Variants in SPEN observed in about 807,000 individuals in gnomAD.
SPEN encodes the protein spen family transcriptional repressor.
In SPEN, 18 loss-of-function variants were observed where a neutral mutation model predicts 269.9. The observed-to-expected ratio is 0.07, with a 90% confidence interval of 0.05 to 0.10. The LOEUF is 0.10. Among genes scored for constraint, SPEN ranks in the 10% least tolerant of loss-of-function variants. The probability of loss-of-function intolerance (pLI) is 1.00; values close to 1 mark genes in which losing one functional copy is unlikely to be tolerated. For synonymous variants in SPEN, 1,726 were observed against 1,765.7 expected (o/e 0.98, Z 0.56); for missense variants, 3,822 against 4,631.2 (o/e 0.83, Z 5.07).
At position 15,909,319 on chromosome 1, in the gene SPEN, A is replaced by G. The variant is rs773043006; in HGVS notation, c.882-2A>G. The G allele has an allele frequency of 6.9e-6, 11 of 1,601,022 alleles. No homozygotes were observed. The highest frequency in any genetic ancestry group is 9.4e-6 in the Non-Finnish European group (11 of 1,175,870). On this transcript the variant is annotated splice_acceptor_variant, in intron 3 of 14. Transcript: ENST00000375759. LOFTEE classifies it high-confidence loss of function. The stretch of plus-strand genomic sequence containing the variant: ...AAGTTTGTTGTTGTTGCCTTTTTGC[A>G]GCAGTGATTCCAGCAGTAGTTCAAG...
At chr1:15,873,279 A>T (rs959965422) in intron 2 of SPEN, 143 bp downstream of exon 2, 1 of 1,400,042 alleles carries the variant, frequency 7.1e-7, no homozygotes, top group African/African-American at 1.4e-5. Flanking sequence ...GAAGTGATTT[A>T]TATCCCAATG....
chr1:15,914,319 T>C (rs2071036732), intron 5 of SPEN, among the ~76,000 whole-genome samples: 1 of 152,248 alleles, frequency 6.6e-6, no homozygotes, highest in Admixed American at 6.5e-5. Context: ...TAATGTTCAA[T>C]GGCTGGCTCT....
chr1:15,889,464 C>G (rs1202147208), intron 3 of SPEN, among the ~76,000 whole-genome samples: 1 of 152,030 alleles, frequency 6.6e-6, no homozygotes, highest in Non-Finnish European at 1.5e-5. Flanking sequence ...CCGTGCCTGG[C>G]CAACATTAGC....
In SPEN at chr1:15,932,283, A is replaced by G; in HGVS notation, c.6043A>G (p.Thr2015Ala). ...KVDATRPEAT[T>A]EVGPQIGVKE... ...GGATGCTACACGTCCTGAGGCCACC[A>G]CTGAGGTGGGCCCCCAAATAGGCGT... is the stretch of plus-strand genomic sequence containing the variant. Residue 2015 changes from threonine to alanine, a missense_variant, in exon 11 of 15, where the codon ACT becomes GCT. Around this residue, in one of 16 missense-constraint regions of SPEN, gnomAD observed 727 missense variants for 737.9 expected, o/e 0.99. Coordinates refer to ENST00000375759, the MANE Select transcript of SPEN (RefSeq NM_015001.3). This position sits in a 1 kb window ranked among gnomAD's most constrained non-coding sequence, Gnocchi z 4.2. 1 of 1,608,024 alleles carries G rather than the reference A, an allele frequency of 6.2e-7. No individual in the cohort carries two copies. Among genetic ancestry groups the G allele is most frequent in the Non-Finnish European group, 8.5e-7 (1 of 1,177,738 alleles).
At chr1:15,865,571 C>T (rs975668037) in intron 1 of SPEN, among the ~76,000 whole-genome samples, 5 of 150,750 alleles carry the variant, frequency 3.3e-5, no homozygotes, top group Non-Finnish European at 5.9e-5. Flanking sequence ...TACAGGCACG[C>T]ACCGCCACAT....
At chr1:15,915,042 T>G (rs920145065) in intron 5 of SPEN, among the ~76,000 whole-genome samples, 3 of 152,162 alleles carry the variant, frequency 2.0e-5, no homozygotes, top group African/African-American at 7.2e-5. Context: ...GTAAATGAAA[T>G]TAAACAATGA....
intron 2 of SPEN, 100 bp from the exon 3 acceptor site, chr1:15,876,102 T>A: frequency 1.1e-6 from 1 of 892,690 alleles, no homozygotes. Flanking sequence ...AATGACCAGT[T>A]GCAAAGACAA....
chr1:15,859,905 CTTT>C (rs34195453), intron 1 of SPEN, among the ~76,000 whole-genome samples: 12 of 79,620 alleles, frequency 1.5e-4, no homozygotes, highest in African/African-American at 5.3e-4. Context: ...CAGTTAACAT[CTTT>C]TTTTTTTTTT....
chr1:15,878,581 C>T (rs189499889), intron 3 of SPEN, among the ~76,000 whole-genome samples: 274 of 152,304 alleles, frequency 1.8e-3, no homozygotes, highest in African/African-American at 6.3e-3. Context: ...ACCCTATAAA[C>T]TAATTATAAA....
At chr1:15,870,902 G>A (rs1258166120) in intron 1 of SPEN, among the ~76,000 whole-genome samples, 1 of 152,118 alleles carries the variant, frequency 6.6e-6, no homozygotes, top group Non-Finnish European at 1.5e-5. Flanking sequence ...ACATACCAAC[G>A]AACTGAAAAT....
chr1:15,919,058 G>C lies in SPEN; in HGVS notation c.1521+7G>C, dbSNP rs778591795. 1.2e-6 allele frequency: 2 copies of C among 1,604,026 alleles called. No homozygotes were observed. Among genetic ancestry groups the C allele is most frequent in the South Asian group, 2.3e-5 (2 of 88,402 alleles). On this transcript the variant is annotated splice_region_variant and intron_variant, in intron 7 of 14. Coordinates refer to ENST00000375759, the MANE Select transcript of SPEN (RefSeq NM_015001.3). Reference sequence around the variant, plus strand: ...TGGAAATAATCGCCTCAAGGTAAATGAATTTGCATAAATTATTGTGCTGTT... The same window carrying C: ...TGGAAATAATCGCCTCAAGGTAAATCAATTTGCATAAATTATTGTGCTGTT...
chr1:15,863,655 A>T (rs1021192815), intron 1 of SPEN, among the ~76,000 whole-genome samples: 2 of 152,122 alleles, frequency 1.3e-5, no homozygotes, highest in African/African-American at 2.4e-5. Flanking sequence ...AGCCTAGGCA[A>T]CATGTTGAGA....
intron 1 of SPEN, among the ~76,000 whole-genome samples, chr1:15,856,231 C>T (rs111588254): frequency 2.6e-5 from 4 of 151,872 alleles, no homozygotes; most frequent in African/African-American, 9.6e-5. Context: ...ACCTCAGGAT[C>T]CGCCCGCCTC....
chr1:15,893,285 A>T (rs1453585473), intron 3 of SPEN, among the ~76,000 whole-genome samples: 1 of 152,170 alleles, frequency 6.6e-6, no homozygotes, highest in Admixed American at 6.6e-5. Context: ...CATTTGTATA[A>T]CCCAAACTGG....
intron 13 of SPEN, 27 bp downstream of exon 13, chr1:15,938,033 A>G (rs370449818): frequency 6.4e-7 from 1 of 1,572,006 alleles, no homozygotes; most frequent in Non-Finnish European, 8.6e-7. Context: ...CAGGTGAGCA[A>G]CTGCCCCACC....
chr1:15,899,299 C>G (rs1468137033), intron 3 of SPEN, among the ~76,000 whole-genome samples: 1 of 152,060 alleles, frequency 6.6e-6, no homozygotes, highest in African/African-American at 2.4e-5. Context: ...GCACCCCCGC[C>G]AAGTAGCTGG....
At chr1:15,887,087 C>T (rs1252093691) in intron 3 of SPEN, among the ~76,000 whole-genome samples, 1 of 151,100 alleles carries the variant, frequency 6.6e-6, no homozygotes, top group Non-Finnish European at 1.5e-5. Flanking sequence ...GCTATCATTG[C>T]ACCTGAGCCT....
At chr1:15,909,245 T>C in intron 3 of SPEN, 76 bp from the exon 4 acceptor site, 1 of 1,502,212 alleles carries the variant, frequency 6.7e-7, no homozygotes, top group Non-Finnish European at 9.0e-7. Flanking sequence ...CTATTAGTTA[T>C]TTTAAGAAGT....
intron 3 of SPEN, among the ~76,000 whole-genome samples, chr1:15,890,324 C>G (rs565583066): frequency 1.3e-5 from 2 of 151,908 alleles, no homozygotes; most frequent in Non-Finnish European, 2.9e-5. Flanking sequence ...CTCTGCCTCC[C>G]GGGTTCAAGC....
Sources: gnomAD v4.1 joint callset for allele counts (sites outside exome capture counted in the v4.1 genomes callset) on GRCh38, gnomAD v4.1.1 for gene constraint, gnomAD v4.1.1 regional missense constraint, Gnocchi (gnomAD v3.1) non-coding constraint, MANE v1.5 for transcripts, NCBI Gene and HGNC (gene_info 2026-07-23, HGNC 2026-07-21) for gene names.